Variants in RIT2 observed in about 807,000 individuals in gnomAD.
RIT2 encodes GTP-binding protein Rit2.
A neutral mutation model predicts 23.7 loss-of-function variants in RIT2; 24 were observed. That is an observed-to-expected ratio of 1.01 (90% confidence interval 0.73 to 1.43). The LOEUF (loss-of-function observed/expected upper bound fraction) is 1.43. Ranked by LOEUF, RIT2 falls within the 40% of genes most tolerant of loss-of-function variation. RIT2 has a pLI of 0.00. For synonymous variants in RIT2, 107 were observed against 91.1 expected, an observed-to-expected ratio of 1.17 and a Z score of -0.99; for missense variants, 236 against 266.9, an observed-to-expected ratio of 0.88 and a Z score of 0.81.
chr18:42,829,502 C>T (rs185626341), intron 4 of RIT2, among the ~76,000 whole-genome samples: 10 of 152,132 alleles, frequency 6.6e-5, no homozygotes, highest in African/African-American at 1.4e-4. Flanking sequence ...TGCAAGGAGA[C>T]GTTCTGAGGG....
chr18:42,746,112 C>T (rs536480562), intron 4 of RIT2, among the ~76,000 whole-genome samples: 38 of 152,094 alleles, frequency 2.5e-4, no homozygotes, highest in African/African-American at 7.2e-4. Context: ...TAAGAGAGCC[C>T]TTCTTATCTG....
At chr18:42,920,960 A>T (rs1909041695) in intron 4 of RIT2, among the ~76,000 whole-genome samples, 1 of 152,030 alleles carries the variant, frequency 6.6e-6, no homozygotes, top group Non-Finnish European at 1.5e-5. Flanking sequence ...TTTTTATATG[A>T]AGAAACAGAA....
chr18:42,766,901 C>T (rs1359840531), intron 4 of RIT2, among the ~76,000 whole-genome samples: 1 of 152,208 alleles, frequency 6.6e-6, no homozygotes, highest in African/African-American at 2.4e-5. Context: ...TGGGCTTTTG[C>T]AGGCTCCATG....
In RIT2 at chr18:43,099,080, T is replaced by G. The variant is rs149873397; in HGVS notation, c.103+16337A>C. 4.1e-3 allele frequency among the ~76,000 whole-genome samples: 619 copies of G among 152,156 alleles called. 6 individuals carry two copies. Among genetic ancestry groups the G allele is most frequent in the Non-Finnish European group, 6.9e-3 (469 of 67,920 alleles). On this transcript the variant is annotated intron_variant, in intron 1 of 4. Transcript: ENST00000326695. ...GTAAATCATATATAACAAATTTATT[T>G]GGAAAAGATAATCAGAAAAAAGAGC... is the stretch of plus-strand genomic sequence containing the variant.
At chr18:42,987,528 T>C (rs1330341969) in intron 2 of RIT2, among the ~76,000 whole-genome samples, 1 of 152,200 alleles carries the variant, frequency 6.6e-6, no homozygotes, top group African/African-American at 2.4e-5. Flanking sequence ...ACTGGAACAC[T>C]TTATTGCAAG....
rs147701916 is a variant in RIT2, at chr18:43,092,781, C to T, written c.103+22636G>A. 1.6e-3 allele frequency among the ~76,000 whole-genome samples: 242 copies of T among 152,104 alleles called. 1 individual carries two copies. The highest frequency in any genetic ancestry group is 5.4e-3 in the African/African-American group (226 of 41,508). The stretch of plus-strand genomic sequence containing the variant: ...GAGGCAAGAGAGTATTATGTAATTG[C>T]AAGCAACATAATATTATTAAAGCAA... On this transcript the variant is annotated intron_variant, in intron 1 of 4. Coordinates refer to ENST00000326695, the MANE Select transcript of RIT2 (RefSeq NM_002930.4).
chr18:42,957,990 TGA>T (rs1050015506), intron 3 of RIT2, among the ~76,000 whole-genome samples: 1 of 152,064 alleles, frequency 6.6e-6, no homozygotes, highest in African/African-American at 2.4e-5. Context: ...ATTAAGATTT[TGA>T]GAGGAAGCAG....
At chr18:42,914,554 C>A (rs1568029060) in intron 4 of RIT2, among the ~76,000 whole-genome samples, 1 of 151,922 alleles carries the variant, frequency 6.6e-6, no homozygotes, top group Non-Finnish European at 1.5e-5. Context: ...TAACTCATTT[C>A]ATTTATATAA....
chr18:43,014,407 A>C (rs546366586), intron 2 of RIT2, among the ~76,000 whole-genome samples: 2 of 151,762 alleles, frequency 1.3e-5, no homozygotes, highest in Non-Finnish European at 2.9e-5. Flanking sequence ...ATTGCAGGAC[A>C]TACTACCCTT....
intron 2 of RIT2, among the ~76,000 whole-genome samples, chr18:43,002,647 G>A (rs893952516): frequency 1.8e-4 from 28 of 151,814 alleles, no homozygotes; most frequent in African/African-American, 5.6e-4. Flanking sequence ...ATGAGCCACC[G>A]GGGAGGAAGA....
intron 1 of RIT2, among the ~76,000 whole-genome samples, chr18:43,090,607 A>G (rs1461312933): frequency 6.6e-6 from 1 of 151,876 alleles, no homozygotes; most frequent in Non-Finnish European, 1.5e-5. Flanking sequence ...TATCAAAAAC[A>G]TATCAATCTA....
chr18:43,104,239 T>C (rs748821605), intron 1 of RIT2, among the ~76,000 whole-genome samples: 6 of 152,176 alleles, frequency 3.9e-5, no homozygotes, highest in East Asian at 1.9e-4. Context: ...AAAAAGTTGA[T>C]ATAGAAGTAG....
intron 4 of RIT2, among the ~76,000 whole-genome samples, chr18:42,864,023 A>G (rs1907402071): frequency 6.7e-6 from 1 of 150,124 alleles, no homozygotes; most frequent in Non-Finnish European, 1.5e-5. Context: ...AAATTGAATG[A>G]CAAGATTGTA....
chr18:42,938,583 T>C (rs757460006), intron 3 of RIT2, among the ~76,000 whole-genome samples: 6 of 152,144 alleles, frequency 3.9e-5, no homozygotes, highest in Non-Finnish European at 8.8e-5. Flanking sequence ...AGACATAATT[T>C]TACTTCCAAA....
intron 4 of RIT2, among the ~76,000 whole-genome samples, chr18:42,910,684 T>C (rs1908747013): frequency 6.6e-6 from 1 of 152,072 alleles, no homozygotes; most frequent in African/African-American, 2.4e-5. Flanking sequence ...TTGGAGAGAT[T>C]GGCTGCGGGA....
At chr18:42,788,754 G>C (rs1279428714) in intron 4 of RIT2, among the ~76,000 whole-genome samples, 1 of 152,038 alleles carries the variant, frequency 6.6e-6, no homozygotes, top group Admixed American at 6.6e-5. Context: ...TCCTTTCTGA[G>C]GCAACATCTA....
intron 1 of RIT2, among the ~76,000 whole-genome samples, chr18:43,045,863 A>G (rs1912235574): frequency 6.6e-6 from 1 of 152,116 alleles, no homozygotes; most frequent in Admixed American, 6.5e-5. Flanking sequence ...AAAATGGAGG[A>G]TGCACCATAT....
chr18:43,096,982 G>C lies in RIT2; in HGVS notation c.103+18435C>G, dbSNP rs117214285. Among the ~76,000 whole-genome samples, 250 of 151,956 alleles carry C rather than the reference G, an allele frequency of 1.6e-3. 2 individuals are homozygous for C. In the East Asian group the frequency reaches 0.018, roughly 11 times the overall value. On this transcript the variant is annotated intron_variant, in intron 1 of 4. Coordinates refer to ENST00000326695, the MANE Select transcript of RIT2 (RefSeq NM_002930.4). ...CATTCTTAGAAAGAGGTGTGTCTTTGATCCTATCCAAAGGGTGTTAGCTGT... is the reference window on the plus strand; with the variant it reads ...CATTCTTAGAAAGAGGTGTGTCTTTCATCCTATCCAAAGGGTGTTAGCTGT...
At chr18:42,834,176 C>T (rs553337250) in intron 4 of RIT2, among the ~76,000 whole-genome samples, 20 of 152,284 alleles carry the variant, frequency 1.3e-4, no homozygotes, top group African/African-American at 4.8e-4. Context: ...AAAAACTCAT[C>T]TACCATGAAG....
Sources: gnomAD v4.1 joint callset for allele counts (sites outside exome capture counted in the v4.1 genomes callset) on GRCh38, gnomAD v4.1.1 for gene constraint, MANE v1.5 for transcripts, NCBI Gene and HGNC (gene_info 2026-07-23, HGNC 2026-07-21) for gene names.